The following PPFIA2 variants were observed in gnomAD, a reference collection of about 807,000 sequenced individuals.
The protein encoded by PPFIA2 is PPFI scaffold protein A2.
In PPFIA2, 46 loss-of-function variants were observed where a neutral mutation model predicts 175.5. That is an observed-to-expected ratio of 0.26 (90% CI 0.21 to 0.34). The LOEUF (loss-of-function observed/expected upper bound fraction) is 0.34, where lower values mean the gene tolerates loss of function less well. Among genes scored for constraint, PPFIA2 ranks in the 10% least tolerant of loss-of-function variants. The probability of loss-of-function intolerance (pLI) is 1.00; values close to 1 mark genes in which losing one functional copy is unlikely to be tolerated. For synonymous variants in PPFIA2, 568 were observed against 511.4 expected (o/e 1.11, Z -1.49); for missense variants, 1,179 against 1,506.1 (o/e 0.78, Z 3.60).
chr12:81,428,247 C>T (rs2047491150), intron 7 of PPFIA2, among the ~76,000 whole-genome samples: 1 of 151,990 alleles, frequency 6.6e-6, no homozygotes, highest in East Asian at 1.9e-4. Flanking sequence ...CTTATGCTCT[C>T]ATCAAAGAAA....
chr12:81,330,683 G>T (rs2055929105), intron 21 of PPFIA2, among the ~76,000 whole-genome samples: 1 of 152,156 alleles, frequency 6.6e-6, no homozygotes, highest in Non-Finnish European at 1.5e-5. Flanking sequence ...TCCAGCAGAG[G>T]TCTCTGTCAT....
At position 81,278,324 on chromosome 12, in the gene PPFIA2, C is replaced by T. The variant is rs368148113; in HGVS notation, c.3213-910G>A. 2.6e-4 allele frequency among the ~76,000 whole-genome samples: 39 copies of T among 152,140 alleles called. 1 individual carries two copies. In the East Asian group the frequency reaches 3.5e-3, roughly 14 times the overall value. On this transcript the variant is annotated intron_variant, in intron 27 of 32. Coordinates refer to ENST00000549396, the MANE Select transcript of PPFIA2 (RefSeq NM_003625.5). ...TTGGGAGGCTGAGGTGGGTGGATCA[C>T]GTGGTCAGGAGTTCGAGACCAGCTT...
Position 81,680,386 on chromosome 12 carries a change from G to A in PPFIA2, c.250-3542C>T, listed in dbSNP as rs561413207. Reference sequence around the variant, plus strand: ...TTAGATAGTTTACATGACTCATACAGTATCATAGAGCTATTAAGAAATGGG... The same window carrying A: ...TTAGATAGTTTACATGACTCATACAATATCATAGAGCTATTAAGAAATGGG... On this transcript the variant is annotated intron_variant, in intron 3 of 32. Coordinates refer to ENST00000549396, the MANE Select transcript of PPFIA2 (RefSeq NM_003625.5). 1.1e-4 allele frequency among the ~76,000 whole-genome samples: 17 copies of A among 152,014 alleles called. No homozygotes were observed. In the East Asian group the frequency reaches 1.8e-3, roughly 16 times the overall value.
intron 21 of PPFIA2, among the ~76,000 whole-genome samples, chr12:81,332,660 G>A (rs2141702): frequency 0.36 from 53,966 of 151,952 alleles, 10,415 homozygotes; most frequent in East Asian, 0.51. Context: ...TTGAATAATC[G>A]TATTTTTAAT....
intron 7 of PPFIA2, among the ~76,000 whole-genome samples, chr12:81,412,313 G>C (rs1413038568): frequency 1.6e-5 from 2 of 122,866 alleles, no homozygotes; most frequent in Non-Finnish European, 3.3e-5. Flanking sequence ...CTCTTGTGTA[G>C]ATTACATTCT....
chr12:81,260,879 T>C (rs2035237691), intron 32 of PPFIA2: 1 of 152,200 alleles, frequency 6.6e-6, no homozygotes, highest in African/African-American at 2.4e-5. Flanking sequence ...AATATTTTGG[T>C]AAAGCATAGT....
At chr12:81,442,848 C>CATATCTAT in intron 6 of PPFIA2, among the ~76,000 whole-genome samples, 1 of 14,096 alleles carries the variant, frequency 7.1e-5, no homozygotes, top group Admixed American at 1.2e-3. Flanking sequence ...TTTCTGACTT[C>CATATCTAT]ATATATATAT....
intron 4 of PPFIA2, among the ~76,000 whole-genome samples, chr12:81,610,819 G>A (rs1338264814): frequency 3.3e-5 from 5 of 152,222 alleles, no homozygotes; most frequent in East Asian, 1.9e-4. Flanking sequence ...CAAGAGTTCC[G>A]GAACTGATTC....
At chr12:81,743,530 AAAG>A (rs1447306283) in intron 3 of PPFIA2, among the ~76,000 whole-genome samples, 2 of 151,796 alleles carry the variant, frequency 1.3e-5, no homozygotes, top group East Asian at 3.9e-4. Context: ...TTTAAAAAAA[AAAG>A]AGAAATGTAG....
chr12:81,585,015 T>C (rs2075076250), intron 4 of PPFIA2, among the ~76,000 whole-genome samples: 1 of 83,994 alleles, frequency 1.2e-5, no homozygotes, highest in Non-Finnish European at 2.3e-5. Context: ...ATTATATTTA[T>C]ATATAATATA....
At chr12:81,427,448 G>C (rs1592813355) in intron 7 of PPFIA2, among the ~76,000 whole-genome samples, 2 of 152,076 alleles carry the variant, frequency 1.3e-5, no homozygotes, top group Middle Eastern at 3.4e-3. Context: ...GTAGTACCAA[G>C]CACACAGTAA....
In PPFIA2 at chr12:81,586,431, G is replaced by A. The variant is rs112124395; in HGVS notation, c.303+90360C>T. Among the ~76,000 whole-genome samples the A allele has an allele frequency of 6.8e-3, 1,039 of 151,900 alleles. 12 individuals carry two copies. Among genetic ancestry groups the A allele is most frequent in the African/African-American group, 0.024 (990 of 41,494 alleles). Reference sequence around the variant, plus strand: ...TTTAAATCTTTACATGTTGTATGCAGCACTTAGCATACAAAGTCAGCTATT... The same window carrying A: ...TTTAAATCTTTACATGTTGTATGCAACACTTAGCATACAAAGTCAGCTATT... On this transcript the variant is annotated intron_variant, in intron 4 of 32. Transcript: ENST00000549396.
intron 28 of PPFIA2, among the ~76,000 whole-genome samples, chr12:81,269,662 C>G (rs2038486422): frequency 6.6e-6 from 1 of 152,226 alleles, no homozygotes; most frequent in African/African-American, 2.4e-5. Flanking sequence ...ATTCTGACTT[C>G]TTTCATTACA....
chr12:81,262,039 A>C lies in PPFIA2; in HGVS notation c.3717T>G (p.Val1239=), dbSNP rs907974515. Residue 1239 remains valine (V), a splice_region_variant and synonymous_variant, in exon 32 of 33, where the codon GTT becomes GTG. Transcript: ENST00000549396. The stretch of plus-strand genomic sequence containing the variant: ...CTAACCTCTGCAGTCTTGATGAAGC[A>C]ACTGCAAATGGAGAAAAGGGCTTTA... ...SGQSRKMTTD[V]ASSRLQRLDN... 6.9e-6 allele frequency: 11 copies of C among 1,594,398 alleles called. No individual in the cohort carries two copies. In the African/African-American group the frequency reaches 1.5e-4, roughly 21 times the overall value.
At chr12:81,590,750 T>A (rs999585007) in intron 4 of PPFIA2, among the ~76,000 whole-genome samples, 9 of 152,158 alleles carry the variant, frequency 5.9e-5, no homozygotes. Flanking sequence ...CTATTTAAGA[T>A]GTCATTTGCT....
chr12:81,459,258 G>C (rs572751410), intron 4 of PPFIA2, among the ~76,000 whole-genome samples: 2 of 152,112 alleles, frequency 1.3e-5, no homozygotes, highest in East Asian at 3.9e-4. Context: ...GTGGTAAATG[G>C]AAATAAAGCA....
chr12:81,424,762 T>C (rs1027399162), intron 7 of PPFIA2: 11 of 152,198 alleles, frequency 7.2e-5, no homozygotes, highest in African/African-American at 2.7e-4. Flanking sequence ...TATATGTTTA[T>C]TAGCTCCCTA....
intron 4 of PPFIA2, among the ~76,000 whole-genome samples, chr12:81,618,180 C>CA (rs1383028577): frequency 6.6e-6 from 1 of 152,066 alleles, no homozygotes; most frequent in African/African-American, 2.4e-5. Context: ...GGCATGCCTC[C>CA]ACTCCCACAT....
chr12:81,275,870 T>C (rs549149563), intron 28 of PPFIA2, among the ~76,000 whole-genome samples: 8 of 151,614 alleles, frequency 5.3e-5, no homozygotes, highest in South Asian at 2.1e-4. Flanking sequence ...CTGCAAGCTC[T>C]GCCTCCAGGG....
Sources: allele counts gnomAD v4.1 joint callset (sites outside exome capture counted in the v4.1 genomes callset), GRCh38; gene constraint gnomAD v4.1.1; transcripts MANE v1.5; gene names NCBI Gene and HGNC (gene_info 2026-07-23, HGNC 2026-07-21).